Variants in R3HCC1L observed in about 807,000 individuals in gnomAD.
R3HCC1L encodes R3H domain and coiled-coil containing 1 like.
R3HCC1L carries 51 observed loss-of-function variants against 59.9 expected under a neutral mutation model. That is an observed-to-expected ratio of 0.85 (90% CI 0.68 to 1.07). R3HCC1L has a LOEUF of 1.07. Ranked by LOEUF, R3HCC1L falls within the 50% of genes least tolerant of loss-of-function variation. The probability of loss-of-function intolerance (pLI) is 0.00; values close to 1 mark genes in which losing one functional copy is unlikely to be tolerated. For synonymous variants in R3HCC1L, 322 were observed against 315.2 expected, an observed-to-expected ratio of 1.02 and a Z score of -0.23; for missense variants, 965 against 933.0, an observed-to-expected ratio of 1.03 and a Z score of -0.45.
chr10:98,223,645 G>T (rs1855320054), intron 5 of R3HCC1L, among the ~76,000 whole-genome samples: 1 of 152,002 alleles, frequency 6.6e-6, no homozygotes, highest in Non-Finnish European at 1.5e-5. Flanking sequence ...GCTGTAATCA[G>T]TTATTTGTGT....
At chr10:98,166,345 T>G (rs1223821905) in intron 4 of R3HCC1L, among the ~76,000 whole-genome samples, 1 of 152,208 alleles carries the variant, frequency 6.6e-6, no homozygotes, top group African/African-American at 2.4e-5. Flanking sequence ...GTGAGAAATT[T>G]TTGTTGTTTT....
chr10:98,238,296 G>T (rs1227726821), intron 9 of R3HCC1L, among the ~76,000 whole-genome samples: 2 of 152,182 alleles, frequency 1.3e-5, no homozygotes, highest in African/African-American at 4.8e-5. Flanking sequence ...AGAGCACTGT[G>T]TTCCCTGTTT....
intron 1 of R3HCC1L, among the ~76,000 whole-genome samples, chr10:98,152,488 C>T (rs1362038489): frequency 1.4e-4 from 19 of 133,514 alleles, no homozygotes; most frequent in African/African-American, 4.5e-4. Flanking sequence ...TCCCGGCCGC[C>T]ATCCCGTCTA....
At chr10:98,177,024 A>G (rs1423573035) in intron 4 of R3HCC1L, among the ~76,000 whole-genome samples, 1 of 152,026 alleles carries the variant, frequency 6.6e-6, no homozygotes, top group African/African-American at 2.4e-5. Flanking sequence ...ATTTTTTAAA[A>G]TTAATTTATT....
chr10:98,198,715 G>A (rs1278928377), intron 4 of R3HCC1L, among the ~76,000 whole-genome samples: 1 of 152,092 alleles, frequency 6.6e-6, no homozygotes, highest in Non-Finnish European at 1.5e-5. Flanking sequence ...TTTGTATGCA[G>A]ATAAGCTTAT....
intron 5 of R3HCC1L, among the ~76,000 whole-genome samples, chr10:98,221,547 A>G (rs1291254697): frequency 1.3e-5 from 2 of 151,452 alleles, no homozygotes; most frequent in Admixed American, 1.3e-4. Flanking sequence ...TCTTGAATTG[A>G]TTTTTGTATA....
At position 98,187,660 on chromosome 10, in the gene R3HCC1L, A is replaced by G. The variant is rs76392221; in HGVS notation, c.-14-20441A>G. On this transcript the variant is annotated intron_variant, in intron 4 of 9. Transcript: ENST00000298999. ...TAAATAGATATGTATCATATATACA[A>G]ATTGAGAAAGGTTTGCTTTAGTAGG... Among the ~76,000 whole-genome samples, 451 of 152,090 alleles carry G rather than the reference A, an allele frequency of 3.0e-3. 4 individuals carry two copies. Among genetic ancestry groups the G allele is most frequent in the African/African-American group, 9.2e-3 (382 of 41,480 alleles).
intron 4 of R3HCC1L, among the ~76,000 whole-genome samples, chr10:98,205,151 A>G (rs934919078): frequency 6.6e-6 from 1 of 152,208 alleles, no homozygotes; most frequent in Non-Finnish European, 1.5e-5. Flanking sequence ...GCTAATAAAT[A>G]CTTCAAACTC....
intron 1 of R3HCC1L, among the ~76,000 whole-genome samples, chr10:98,144,428 C>T (rs546598953): frequency 5.9e-5 from 9 of 152,184 alleles, no homozygotes; most frequent in Admixed American, 5.9e-4. Context: ...GTTGGCCAGG[C>T]TGGTCTCAAA....
intron 1 of R3HCC1L, among the ~76,000 whole-genome samples, chr10:98,152,082 G>C (rs1846226325): frequency 6.6e-6 from 1 of 152,184 alleles, no homozygotes; most frequent in Non-Finnish European, 1.5e-5. Flanking sequence ...CCTGCCGAGT[G>C]CCTGCGATTG....
At chr10:98,240,845 C>A (rs1437824849) in intron 9 of R3HCC1L, among the ~76,000 whole-genome samples, 2 of 140,582 alleles carry the variant, frequency 1.4e-5, no homozygotes, top group African/African-American at 5.2e-5. Context: ...TGTGATGTAG[C>A]GTTTACTCAT....
chr10:98,172,232 C>G (rs1308512271), intron 4 of R3HCC1L, among the ~76,000 whole-genome samples: 1 of 152,130 alleles, frequency 6.6e-6, no homozygotes, highest in Non-Finnish European at 1.5e-5. Context: ...CTGCAGAGTT[C>G]ATTTCACAGA....
intron 4 of R3HCC1L, among the ~76,000 whole-genome samples, chr10:98,201,252 A>G (rs1852013013): frequency 6.6e-6 from 1 of 152,190 alleles, no homozygotes. Context: ...AGATATTTGC[A>G]TTGGCATTTA....
intron 4 of R3HCC1L, among the ~76,000 whole-genome samples, chr10:98,166,883 T>C (rs1564637708): frequency 6.6e-6 from 1 of 152,120 alleles, no homozygotes; most frequent in Non-Finnish European, 1.5e-5. Context: ...GCCAGGATGG[T>C]CTCGATCTCC....
intron 5 of R3HCC1L, among the ~76,000 whole-genome samples, chr10:98,213,042 A>G (rs1464287048): frequency 6.6e-6 from 1 of 152,128 alleles, no homozygotes; most frequent in Non-Finnish European, 1.5e-5. Flanking sequence ...ACATTGTTAT[A>G]CTGTCTCTGT....
intron 4 of R3HCC1L, among the ~76,000 whole-genome samples, chr10:98,198,116 C>G (rs1282914843): frequency 6.6e-6 from 1 of 151,998 alleles, no homozygotes; most frequent in Non-Finnish European, 1.5e-5. Context: ...TAGTGACTTC[C>G]CGGGTTTTGG....
chr10:98,185,441 G>T (rs1850128663), intron 4 of R3HCC1L, among the ~76,000 whole-genome samples: 1 of 152,198 alleles, frequency 6.6e-6, no homozygotes, highest in Admixed American at 6.5e-5. Flanking sequence ...TATCTAGAAT[G>T]ATTAGGTAAG....
chr10:98,243,328 T>C (rs973106841), intron 9 of R3HCC1L, among the ~76,000 whole-genome samples: 2 of 152,182 alleles, frequency 1.3e-5, no homozygotes, highest in Non-Finnish European at 2.9e-5. Flanking sequence ...GGTGTCAAGA[T>C]AAATGACTAG....
intron 4 of R3HCC1L, among the ~76,000 whole-genome samples, chr10:98,200,113 A>C (rs750109754): frequency 6.6e-6 from 1 of 152,056 alleles, no homozygotes. Flanking sequence ...GAGTGGTTTG[A>C]TTCTGCCAGA....
Sources: allele counts gnomAD v4.1 joint callset (sites outside exome capture counted in the v4.1 genomes callset), GRCh38; gene constraint gnomAD v4.1.1; transcripts MANE v1.5; gene names NCBI Gene and HGNC (gene_info 2026-07-23, HGNC 2026-07-21).